Variants in ANKFN1 observed in about 807,000 individuals in gnomAD.
ANKFN1 encodes the protein ankyrin repeat and fibronectin type-III domain-containing protein 1.
Under a neutral mutation model 108.7 loss-of-function variants are expected in ANKFN1, and 74 were observed. The observed-to-expected ratio is 0.68, with a 90% CI of 0.56 to 0.83. ANKFN1 has a LOEUF of 0.83. Among genes scored for constraint, ANKFN1 ranks in the 40% least tolerant of loss-of-function variants. The pLI is 0.00. For synonymous variants in ANKFN1, 547 were observed against 516.2 expected (o/e 1.06, Z -0.81); for missense variants, 1,505 against 1,382.3 (o/e 1.09, Z -1.41).
chr17:56,420,949 C>G (rs1434673490), intron 8 of ANKFN1, among the ~76,000 whole-genome samples: 1 of 152,182 alleles, frequency 6.6e-6, no homozygotes, highest in South Asian at 2.1e-4. Context: ...ACCTCGTGAT[C>G]CGCCCGCCTC....
At chr17:56,373,911 C>T (rs944849347) in intron 7 of ANKFN1, among the ~76,000 whole-genome samples, 8 of 152,168 alleles carry the variant, frequency 5.3e-5, no homozygotes, top group East Asian at 1.9e-4. Context: ...ACACCTTCTA[C>T]GTGTTAAGCA....
intron 4 of ANKFN1, among the ~76,000 whole-genome samples, chr17:56,099,559 T>C (rs1905598599): frequency 6.6e-6 from 1 of 152,186 alleles, no homozygotes; most frequent in South Asian, 2.1e-4. Context: ...TCTGGGGACA[T>C]AAAGGTTGAT....
Position 56,511,284 on chromosome 17 carries a change from G to A in ANKFN1, c.*15G>A. ...GCATGCTTTAGGGAGGCCCATCCCGGCTGTCCACCCCTCCATGGCTGCTAC... is the reference window on the plus strand; with the variant it reads ...GCATGCTTTAGGGAGGCCCATCCCGACTGTCCACCCCTCCATGGCTGCTAC... On this transcript the variant is annotated 3_prime_UTR_variant, in exon 21 of 21. Transcript: ENST00000682825. 2.7e-6 allele frequency: 4 copies of A among 1,500,102 alleles called. No homozygotes were observed. Among genetic ancestry groups the A allele is most frequent in the Non-Finnish European group, 3.6e-6 (4 of 1,125,680 alleles). The allele number at this position is 1,500,102 out of a possible 1,614,324, so 92.9% of individuals were successfully genotyped here.
In ANKFN1 at chr17:56,207,796, T is replaced by C. The variant is rs1914656272; in HGVS notation, c.-70-4802T>C. 3.3e-5 allele frequency among the ~76,000 whole-genome samples: 5 copies of C among 152,164 alleles called. No individual in the cohort carries two copies. The South Asian group carries it at 1.0e-3, about 32-fold the overall frequency. On this transcript the variant is annotated intron_variant, in intron 1 of 20. Coordinates refer to ENST00000682825, the MANE Select transcript of ANKFN1 (RefSeq NM_001370326.1). ...TTTCATCCCCATTCATTTGTTTTCA[T>C]CATGACACTATTCCAGATTTTGTCC...
In ANKFN1 at chr17:56,515,188, G is replaced by T. The variant is rs147594792; in HGVS notation, c.*3919G>T. 9.4e-4 allele frequency among the ~76,000 whole-genome samples: 143 copies of T among 152,212 alleles called. No homozygotes were observed. Among genetic ancestry groups the T allele is most frequent in the African/African-American group, 3.3e-3 (139 of 41,530 alleles). ...AATGTACACATGTTAGGAAGGTGAT[G>T]ACATTTTTCTACAGCTCTCTCAACT... On this transcript the variant is annotated 3_prime_UTR_variant, in exon 21 of 21. Coordinates refer to ENST00000682825, the MANE Select transcript of ANKFN1 (RefSeq NM_001370326.1).
chr17:56,274,132 G>A (rs2043857374), intron 3 of ANKFN1, among the ~76,000 whole-genome samples: 1 of 152,162 alleles, frequency 6.6e-6, no homozygotes, highest in East Asian at 1.9e-4. Flanking sequence ...AACTGGGAAT[G>A]GGGTAGAGAG....
intron 2 of ANKFN1, among the ~76,000 whole-genome samples, chr17:56,220,083 GAA>G (rs1175964168): frequency 6.6e-6 from 1 of 152,186 alleles, no homozygotes; most frequent in African/African-American, 2.4e-5. Context: ...GGTGATGTGA[GAA>G]TTACATGAGA....
At chr17:56,154,401 T>C (rs1039940274) in intron 1 of ANKFN1, among the ~76,000 whole-genome samples, 2 of 152,088 alleles carry the variant, frequency 1.3e-5, no homozygotes, top group African/African-American at 4.8e-5. Flanking sequence ...CTTAAGACCT[T>C]TGAAAAAACC....
intron 9 of ANKFN1, among the ~76,000 whole-genome samples, chr17:56,440,723 G>A (rs2145161167): frequency 6.6e-6 from 1 of 152,250 alleles, no homozygotes; most frequent in Admixed American, 6.5e-5. Flanking sequence ...GGAAAGCAGG[G>A]AGTGGATCAA....
At chr17:56,242,244 C>T (rs1917637605) in intron 3 of ANKFN1, among the ~76,000 whole-genome samples, 2 of 151,946 alleles carry the variant, frequency 1.3e-5, no homozygotes, top group South Asian at 4.1e-4. Context: ...TCAATTTCCA[C>T]AAAAATCTCT....
chr17:56,229,774 C>T (rs1916587150), intron 3 of ANKFN1, among the ~76,000 whole-genome samples: 1 of 148,596 alleles, frequency 6.7e-6, no homozygotes, highest in African/African-American at 2.5e-5. Flanking sequence ...TTCTCAGACA[C>T]ATACAGGGTG....
At chr17:56,284,940 T>A (rs2044176913) in intron 3 of ANKFN1, among the ~76,000 whole-genome samples, 1 of 152,070 alleles carries the variant, frequency 6.6e-6, no homozygotes, top group African/African-American at 2.4e-5. Flanking sequence ...GCCATAAGTG[T>A]CAGAAACATG....
chr17:56,082,263 T>C (rs1416112268), intron 4 of ANKFN1, among the ~76,000 whole-genome samples: 2 of 129,796 alleles, frequency 1.5e-5, no homozygotes, highest in Non-Finnish European at 3.2e-5. Flanking sequence ...CAAGTTTTTG[T>C]TGTTGTTGTT....
upstream of ANKFN1, among the ~76,000 whole-genome samples, chr17:56,152,356 G>A (rs1328163340): frequency 1.3e-5 from 2 of 150,810 alleles, no homozygotes; most frequent in Admixed American, 6.6e-5. Context: ...CTCACTCCAT[G>A]TTAAGCCCAG....
In ANKFN1 at chr17:56,466,409, T is replaced by C. The variant is rs1031754544; in HGVS notation, c.1611T>C (p.Asp537=). ...LGRVYYEPIK[D]RHGNILIVTI... ...GAGTTTACTATGAGCCCATTAAAGA[T>C]CGACATGGAAACATACTCATAGTCA... Residue 537 remains aspartate (D), a synonymous_variant, in exon 15 of 21, where the codon GAT becomes GAC. Coordinates refer to ENST00000682825, the MANE Select transcript of ANKFN1 (RefSeq NM_001370326.1). 1.9e-5 allele frequency: 31 copies of C among 1,614,054 alleles called. No individual in the cohort carries two copies. Among genetic ancestry groups the C allele is most frequent in the Non-Finnish European group, 2.5e-5 (30 of 1,180,022 alleles).
At chr17:56,380,316 G>A (rs192916707) in intron 8 of ANKFN1, among the ~76,000 whole-genome samples, 113 of 152,328 alleles carry the variant, frequency 7.4e-4, no homozygotes, top group East Asian at 1.4e-3. Flanking sequence ...CAAGATGGCC[G>A]AATAGGAACA....
intron 3 of ANKFN1, among the ~76,000 whole-genome samples, chr17:56,264,457 A>G (rs967992492): frequency 6.6e-6 from 1 of 152,176 alleles, no homozygotes; most frequent in South Asian, 2.1e-4. Context: ...GGTTTTCAAG[A>G]GCTCATTAAG....
chr17:56,086,817 GA>G, intron 4 of ANKFN1, among the ~76,000 whole-genome samples: 1 of 151,474 alleles, frequency 6.6e-6, no homozygotes, highest in African/African-American at 2.4e-5. Context: ...CACTACTCCT[GA>G]AAAATGATTA....
chr17:56,169,999 A>G lies in ANKFN1; in HGVS notation c.-71+16469A>G, dbSNP rs554354225. On this transcript the variant is annotated intron_variant, in intron 1 of 20. Transcript: ENST00000682825. ...GGCCCTGATCAGGTCGATCTGGTAA[A>G]TCCACATGGATCGGTGGCAGCTCTG... 2.6e-5 allele frequency among the ~76,000 whole-genome samples: 4 copies of G among 152,310 alleles called. 1 individual carries two copies. The East Asian group carries it at 7.7e-4, about 29-fold the overall frequency.
Sources: gnomAD v4.1 joint callset for allele counts (sites outside exome capture counted in the v4.1 genomes callset) on GRCh38, gnomAD v4.1.1 for gene constraint, MANE v1.5 for transcripts, NCBI Gene and HGNC (gene_info 2026-07-23, HGNC 2026-07-21) for gene names.